EXT1: variants seen among roughly 807,000 people sequenced by gnomAD.
EXT1 encodes exostosin-1.
Under a neutral mutation model 82.5 loss-of-function variants are expected in EXT1, and 20 were observed. That is an observed-to-expected ratio of 0.24 (90% CI 0.17 to 0.35). The LOEUF (loss-of-function observed/expected upper bound fraction) is 0.35. Ranked by LOEUF, EXT1 falls within the 10% of genes least tolerant of loss-of-function variation. EXT1 has a pLI of 1.00. For synonymous variants in EXT1, 348 were observed against 350.8 expected (o/e 0.99, Z 0.09); for missense variants, 757 against 936.5 (o/e 0.81, Z 2.50).
intron 1 of EXT1, among the ~76,000 whole-genome samples, chr8:118,043,534 G>C (rs1037855872): frequency 5.3e-5 from 8 of 152,244 alleles, no homozygotes; most frequent in African/African-American, 1.9e-4. Context: ...CACATCACAT[G>C]AGCCCTCACT....
At chr8:118,016,319 G>A (rs935755126) in intron 1 of EXT1, among the ~76,000 whole-genome samples, 1 of 152,172 alleles carries the variant, frequency 6.6e-6, no homozygotes, top group African/African-American at 2.4e-5. Context: ...CTTGAACCTG[G>A]GAGGCAGAGG....
chr8:117,975,774 T>C (rs1291192316), intron 1 of EXT1, among the ~76,000 whole-genome samples: 2 of 152,248 alleles, frequency 1.3e-5, no homozygotes, highest in Non-Finnish European at 2.9e-5. Context: ...TCAGAAATGC[T>C]TGTTGCTCAA....
intron 1 of EXT1, among the ~76,000 whole-genome samples, chr8:117,838,279 T>C (rs1455724466): frequency 2.6e-5 from 4 of 152,352 alleles, no homozygotes; most frequent in South Asian, 2.1e-4. Flanking sequence ...CTGACTCTAA[T>C]AGTCTAATTT....
At chr8:117,908,678 A>G (rs1433161051) in intron 1 of EXT1, among the ~76,000 whole-genome samples, 1 of 151,914 alleles carries the variant, frequency 6.6e-6, no homozygotes, top group Non-Finnish European at 1.5e-5. Context: ...AAAACAAAAC[A>G]CACACACACA....
intron 1 of EXT1, among the ~76,000 whole-genome samples, chr8:117,901,769 T>C (rs1211854287): frequency 1.3e-5 from 2 of 152,288 alleles, no homozygotes; most frequent in South Asian, 2.1e-4. Flanking sequence ...CAGTAACAAC[T>C]CACTGCAGCC....
chr8:117,855,754 C>T (rs375397021), intron 1 of EXT1, among the ~76,000 whole-genome samples: 15 of 152,252 alleles, frequency 9.9e-5, no homozygotes, highest in Admixed American at 3.9e-4. Context: ...CTGCAACCTC[C>T]GCCTCCCAGG....
chr8:117,816,531 C>A (rs1811823548), intron 7 of EXT1, among the ~76,000 whole-genome samples: 1 of 152,116 alleles, frequency 6.6e-6, no homozygotes, highest in Admixed American at 6.5e-5. Context: ...GAACCCAGCC[C>A]ACTGGATTCA....
chr8:117,851,207 A>G lies in EXT1; in HGVS notation c.963-14006T>C, dbSNP rs1421841901. On this transcript the variant is annotated intron_variant, in intron 1 of 10. Transcript: ENST00000378204. ...ATCCAGTCCAAATATCCAGATGAAA[A>G]AAAGCAGCCAGGAGAGGTCAAGTAA... Among the ~76,000 whole-genome samples the G allele has an allele frequency of 2.1e-4, 32 of 152,192 alleles. 1 individual carries two copies. The highest frequency in any genetic ancestry group is 2.1e-3 in the Admixed American group (32 of 15,276).
At chr8:117,867,886 C>G (rs1812801928) in intron 1 of EXT1, among the ~76,000 whole-genome samples, 1 of 152,144 alleles carries the variant, frequency 6.6e-6, no homozygotes, top group Non-Finnish European at 1.5e-5. Context: ...TTAATTCAAC[C>G]CCCGGTTCTA....
chr8:117,907,327 CTG>C (rs1485624188), intron 1 of EXT1, among the ~76,000 whole-genome samples: 1 of 152,210 alleles, frequency 6.6e-6, no homozygotes, highest in Non-Finnish European at 1.5e-5. Context: ...CTTTCAAACA[CTG>C]TGAAACATTT....
At chr8:118,043,321 AC>A (rs2129907576) in intron 1 of EXT1, among the ~76,000 whole-genome samples, 1 of 152,342 alleles carries the variant, frequency 6.6e-6, no homozygotes, top group African/African-American at 2.4e-5. Flanking sequence ...AAACGAAGAG[AC>A]ACTTTATTCA....
intron 1 of EXT1, among the ~76,000 whole-genome samples, chr8:117,977,728 C>A (rs562934406): frequency 2.4e-4 from 36 of 152,278 alleles, no homozygotes; most frequent in African/African-American, 8.7e-4. Flanking sequence ...GCCTGGCTAT[C>A]TAATCCATGG....
At chr8:117,937,555 G>T (rs1441630026) in intron 1 of EXT1, among the ~76,000 whole-genome samples, 1 of 152,192 alleles carries the variant, frequency 6.6e-6, no homozygotes, top group African/African-American at 2.4e-5. Flanking sequence ...GTCCCAGCAA[G>T]AAAATAAACT....
At chr8:117,948,961 T>C (rs111649658) in intron 1 of EXT1, among the ~76,000 whole-genome samples, 8 of 152,374 alleles carry the variant, frequency 5.3e-5, no homozygotes, top group African/African-American at 1.9e-4. Context: ...CATGCACATT[T>C]GTTCTCAATT....
chr8:117,976,107 T>C (rs146451093), intron 1 of EXT1, among the ~76,000 whole-genome samples: 197 of 152,314 alleles, frequency 1.3e-3, no homozygotes, highest in African/African-American at 4.2e-3. Flanking sequence ...TAAGCAAATG[T>C]ACACATGAGC....
At chr8:117,941,538 G>C (rs1814272568) in intron 1 of EXT1, among the ~76,000 whole-genome samples, 1 of 152,192 alleles carries the variant, frequency 6.6e-6, no homozygotes, top group East Asian at 1.9e-4. Flanking sequence ...ACTTTGCAAA[G>C]TAGTCAGGAA....
intron 1 of EXT1, among the ~76,000 whole-genome samples, chr8:117,867,229 A>C (rs1466802477): frequency 6.9e-6 from 1 of 144,362 alleles, no homozygotes; most frequent in Admixed American, 7.0e-5. Flanking sequence ...ACTGTACTCC[A>C]GCCTGGGCGA....
In EXT1 at chr8:117,854,700, A is replaced by G. The variant is rs142197068; in HGVS notation, c.963-17499T>C. Among the ~76,000 whole-genome samples, 84 of 152,324 alleles carry G rather than the reference A, an allele frequency of 5.5e-4. No individual in the cohort carries two copies. The East Asian group carries it at 0.015, about 27-fold the overall frequency. On this transcript the variant is annotated intron_variant, in intron 1 of 10. Coordinates refer to ENST00000378204, the MANE Select transcript of EXT1 (RefSeq NM_000127.3). ...ATTCGCTGAACACTATGCTAATTACATACAGTATTGCGTCCTAAGTGTCAC... is the reference window on the plus strand; with the variant it reads ...ATTCGCTGAACACTATGCTAATTACGTACAGTATTGCGTCCTAAGTGTCAC...
At chr8:118,031,224 C>T (rs773030858) in intron 1 of EXT1, among the ~76,000 whole-genome samples, 2 of 152,066 alleles carry the variant, frequency 1.3e-5, no homozygotes, top group Non-Finnish European at 2.9e-5. Flanking sequence ...ATAAAATATA[C>T]AAATCCTAAT....
Sources: allele counts gnomAD v4.1 joint callset (sites outside exome capture counted in the v4.1 genomes callset), GRCh38; gene constraint gnomAD v4.1.1; transcripts MANE v1.5; gene names NCBI Gene and HGNC (gene_info 2026-07-23, HGNC 2026-07-21).